ERC2: variants seen among roughly 807,000 people sequenced by gnomAD.
ERC2 encodes the protein ERC protein 2.
ERC2 carries 42 observed loss-of-function variants against 114.8 expected under a neutral mutation model. The observed-to-expected ratio is 0.37, with a 90% CI of 0.29 to 0.47. The LOEUF is 0.47. ERC2 is among the 20% of genes least tolerant of loss of function. The pLI is 0.99. For missense variants in ERC2, 939 were observed against 1,150.7 expected, an observed-to-expected ratio of 0.82 and a Z score of 2.66; for synonymous variants, 454 against 425.5, an observed-to-expected ratio of 1.07 and a Z score of -0.82.
chr3:56,379,424 G>A (rs535865609), intron 2 of ERC2, among the ~76,000 whole-genome samples: 18 of 152,260 alleles, frequency 1.2e-4, no homozygotes, highest in African/African-American at 3.6e-4. Flanking sequence ...CTCTGTGCCA[G>A]GCACTGAGCC....
intron 17 of ERC2, among the ~76,000 whole-genome samples, chr3:55,624,659 C>T (rs1468405409): frequency 6.6e-6 from 1 of 152,168 alleles, no homozygotes; most frequent in Admixed American, 6.5e-5. Context: ...GGCACTGACT[C>T]AGTGGAAACC....
chr3:55,561,823 T>C (rs896522486), intron 17 of ERC2, among the ~76,000 whole-genome samples: 1 of 152,172 alleles, frequency 6.6e-6, no homozygotes, highest in Non-Finnish European at 1.5e-5. Flanking sequence ...AGCATCCCCT[T>C]GGCCATGCCA....
At chr3:56,427,232 C>T (rs552151920) in intron 2 of ERC2, among the ~76,000 whole-genome samples, 5 of 151,252 alleles carry the variant, frequency 3.3e-5, no homozygotes, top group South Asian at 2.1e-4. Context: ...AACTTTAATA[C>T]ATATTTTTGT....
intron 8 of ERC2, among the ~76,000 whole-genome samples, chr3:56,012,400 C>T (rs1020794625): frequency 5.3e-5 from 8 of 152,110 alleles, no homozygotes; most frequent in Admixed American, 3.9e-4. Flanking sequence ...GCAGCCTTCA[C>T]GTGGTTTCAC....
At chr3:55,637,370 C>A (rs538313527) in intron 17 of ERC2, among the ~76,000 whole-genome samples, 1 of 152,158 alleles carries the variant, frequency 6.6e-6, no homozygotes, top group African/African-American at 2.4e-5. Flanking sequence ...GGTGGGAGTG[C>A]GCTTAGGTAG....
At chr3:56,084,037 A>G (rs2077377461) in intron 6 of ERC2, among the ~76,000 whole-genome samples, 2 of 152,158 alleles carry the variant, frequency 1.3e-5, no homozygotes, top group African/African-American at 4.8e-5. Flanking sequence ...TAAAGAAATC[A>G]AAAACAAAAA....
At chr3:55,650,700 A>G (rs2060580825) in intron 17 of ERC2, among the ~76,000 whole-genome samples, 1 of 152,202 alleles carries the variant, frequency 6.6e-6, no homozygotes, top group South Asian at 2.1e-4. Flanking sequence ...TAAATGAATG[A>G]AGAAATTCTC....
At chr3:55,656,103 T>TTTA (rs1294686195) in intron 17 of ERC2, among the ~76,000 whole-genome samples, 2 of 151,768 alleles carry the variant, frequency 1.3e-5, no homozygotes, top group Non-Finnish European at 2.9e-5. Context: ...ATGCACTTTA[T>TTTA]TTATTTATTT....
intron 2 of ERC2, among the ~76,000 whole-genome samples, chr3:56,358,355 C>T (rs968976164): frequency 1.3e-5 from 2 of 152,146 alleles, no homozygotes; most frequent in African/African-American, 4.8e-5. Context: ...GTTTTACTTT[C>T]CATACATATT....
intron 17 of ERC2, among the ~76,000 whole-genome samples, chr3:55,662,517 G>A (rs1451606345): frequency 6.6e-6 from 1 of 152,216 alleles, no homozygotes; most frequent in Non-Finnish European, 1.5e-5. Context: ...TGAATTATGT[G>A]TGCATTATTT....
intron 4 of ERC2, among the ~76,000 whole-genome samples, chr3:56,167,738 T>C (rs890597313): frequency 9.9e-5 from 15 of 152,100 alleles, no homozygotes; most frequent in African/African-American, 3.4e-4. Flanking sequence ...CACAGTCCTT[T>C]ACAAGTTTGA....
Position 55,583,390 on chromosome 3 carries a change from CCTTCCTTCT to C in ERC2, c.*40-72123_*40-72115del, listed in dbSNP as rs1559692169. Among the ~76,000 whole-genome samples, 217 of 131,682 alleles carry C rather than the reference CCTTCCTTCT, an allele frequency of 1.6e-3. 6 individuals are homozygous for C. The highest frequency in any genetic ancestry group is 5.5e-3 in the African/African-American group (142 of 25,682). The allele number at this position is 131,682 out of a possible 152,430, so 86.4% of individuals were successfully genotyped here. A position where few individuals can be genotyped will look rare whatever the true frequency, so the allele number is the denominator to read the frequency against. On this transcript the variant is annotated intron_variant, in intron 17 of 17. Transcript: ENST00000288221. ...GCCTGCCTTCTTTCCTTCTTTCTTT[CCTTCCTTCT>C]TTCCTTCCTTCCTTCCTTCCTTCCT...
At chr3:56,116,533 C>T (rs2079245727) in intron 6 of ERC2, among the ~76,000 whole-genome samples, 1 of 152,160 alleles carries the variant, frequency 6.6e-6, no homozygotes. Context: ...GTCACATGTT[C>T]CAGAAATATT....
At chr3:55,593,133 C>T (rs2107612390) in intron 17 of ERC2, among the ~76,000 whole-genome samples, 1 of 152,298 alleles carries the variant, frequency 6.6e-6, no homozygotes, top group Non-Finnish European at 1.5e-5. Flanking sequence ...ACGCTAGGCC[C>T]TTGACTCCTG....
chr3:55,815,861 A>G (rs1339657315), intron 14 of ERC2, among the ~76,000 whole-genome samples: 1 of 152,148 alleles, frequency 6.6e-6, no homozygotes, highest in East Asian at 1.9e-4. Context: ...GCCAATGCAA[A>G]ATGCCTTCGT....
chr3:56,357,337 T>C (rs1415613662), intron 2 of ERC2, among the ~76,000 whole-genome samples: 1 of 152,228 alleles, frequency 6.6e-6, no homozygotes, highest in Non-Finnish European at 1.5e-5. Context: ...CATTAATTTC[T>C]ATTCTCACGT....
At chr3:55,560,979 C>T (rs1559655118) in intron 17 of ERC2, among the ~76,000 whole-genome samples, 2 of 151,992 alleles carry the variant, frequency 1.3e-5, no homozygotes, top group Non-Finnish European at 2.9e-5. Flanking sequence ...CAAGACTCGG[C>T]CTTTTTGGGG....
At chr3:56,133,366 G>C (rs1391310295) in intron 6 of ERC2, among the ~76,000 whole-genome samples, 1 of 152,130 alleles carries the variant, frequency 6.6e-6, no homozygotes, top group Non-Finnish European at 1.5e-5. Context: ...GAACCCGAGA[G>C]GCGGAGGTTG....
chr3:55,683,753 G>A, intron 17 of ERC2, 41 bp downstream of exon 17: 1 of 1,512,194 alleles, frequency 6.6e-7, no homozygotes, highest in Non-Finnish European at 9.1e-7. Context: ...ACACTAGAAT[G>A]CAATTTTTTA....
Sources: gnomAD v4.1 joint callset for allele counts (sites outside exome capture counted in the v4.1 genomes callset) on GRCh38, gnomAD v4.1.1 for gene constraint, MANE v1.5 for transcripts, NCBI Gene and HGNC (gene_info 2026-07-23, HGNC 2026-07-21) for gene names.